Variants in UBE2V2 observed in about 807,000 individuals in gnomAD.
UBE2V2 encodes ubiquitin-conjugating enzyme E2 variant 2.
A neutral mutation model predicts 17.2 loss-of-function variants in UBE2V2; 9 were observed. That is an observed-to-expected ratio of 0.52 (90% CI 0.32 to 0.91). The LOEUF (loss-of-function observed/expected upper bound fraction) is 0.91, where lower values mean the gene tolerates loss of function less well. Among genes scored for constraint, UBE2V2 ranks in the 40% least tolerant of loss-of-function variants. The probability of loss-of-function intolerance (pLI) is 0.04; values close to 1 mark genes in which losing one functional copy is unlikely to be tolerated. For missense variants in UBE2V2, 133 were observed against 182.6 expected, an observed-to-expected ratio of 0.73 and a Z score of 1.56; for synonymous variants, 61 against 57.5, an observed-to-expected ratio of 1.06 and a Z score of -0.28.
chr8:48,042,743 G>C (rs571766987), intron 1 of UBE2V2: 1 of 208,090 alleles, frequency 4.8e-6, no homozygotes, highest in South Asian at 1.7e-4. Flanking sequence ...ACATCAAATA[G>C]GGAAAACGAT....
chr8:48,017,818 C>A (rs1486228436), intron 1 of UBE2V2, among the ~76,000 whole-genome samples: 1 of 148,786 alleles, frequency 6.7e-6, no homozygotes, highest in Non-Finnish European at 1.5e-5. Flanking sequence ...GACTTTTCTT[C>A]CTGTTTTCTA....
intron 1 of UBE2V2, among the ~76,000 whole-genome samples, chr8:48,030,542 G>A (rs1221614747): frequency 1.3e-5 from 2 of 152,150 alleles, no homozygotes; most frequent in Non-Finnish European, 2.9e-5. Flanking sequence ...GCAACATGGC[G>A]AAACCCTGTC....
intron 1 of UBE2V2, among the ~76,000 whole-genome samples, chr8:48,017,553 A>G (rs994375460): frequency 2.0e-5 from 3 of 151,950 alleles, no homozygotes; most frequent in African/African-American, 4.8e-5. Flanking sequence ...TTGTATTTTT[A>G]GTAGAGACGG....
At chr8:48,044,850 C>T (rs1258878333) in intron 2 of UBE2V2, among the ~76,000 whole-genome samples, 1 of 152,228 alleles carries the variant, frequency 6.6e-6, no homozygotes, top group Non-Finnish European at 1.5e-5. Flanking sequence ...TCGTTTTTCT[C>T]TAGCCACTGC....
At chr8:48,056,724 GT>G (rs1220730426) in intron 3 of UBE2V2, among the ~76,000 whole-genome samples, 1 of 151,736 alleles carries the variant, frequency 6.6e-6, no homozygotes, top group Non-Finnish European at 1.5e-5. Flanking sequence ...TTTGTAGTAA[GT>G]TTTTTTGTTT....
In UBE2V2 at chr8:48,014,173, A is replaced by G. The variant is rs536382797; in HGVS notation, c.16+5703A>G. Among the ~76,000 whole-genome samples the G allele has an allele frequency of 1.1e-4, 17 of 152,310 alleles. No individual in the cohort carries two copies. The South Asian group carries it at 3.3e-3, about 30-fold the overall frequency. On this transcript the variant is annotated intron_variant, in intron 1 of 3. Transcript: ENST00000523111. Reference sequence around the variant, plus strand: ...GGGAGCCTGAATTCTCTTGATAAACATGCTTTTGATAATATGGTACAACCT... The same window carrying G: ...GGGAGCCTGAATTCTCTTGATAAACGTGCTTTTGATAATATGGTACAACCT...
Position 48,057,546 on chromosome 8 carries a change from G to C in UBE2V2, c.292-3136G>C, listed in dbSNP as rs373328310. Among the ~76,000 whole-genome samples the C allele has an allele frequency of 4.0e-3, 603 of 152,120 alleles. 2 individuals are homozygous for C. Among genetic ancestry groups the C allele is most frequent in the Non-Finnish European group, 6.8e-3 (463 of 67,994 alleles). ...TCGAACTTCCGAACTTAGGTGATCTGCCCACCTCGCCCTCCCAAAGTGCTG... is the reference window on the plus strand; with the variant it reads ...TCGAACTTCCGAACTTAGGTGATCTCCCCACCTCGCCCTCCCAAAGTGCTG... On this transcript the variant is annotated intron_variant, in intron 3 of 3. Transcript: ENST00000523111.
At chr8:48,025,180 G>GC (rs2091332610) in intron 1 of UBE2V2, among the ~76,000 whole-genome samples, 1 of 151,930 alleles carries the variant, frequency 6.6e-6, no homozygotes, top group African/African-American at 2.4e-5. Context: ...CTCATGATCT[G>GC]CCTGCCTCGG....
intron 1 of UBE2V2, among the ~76,000 whole-genome samples, chr8:48,009,827 G>A (rs997380760): frequency 8.5e-5 from 13 of 152,048 alleles, no homozygotes; most frequent in Non-Finnish European, 7.4e-5. Flanking sequence ...CTAGTGTTGG[G>A]GTAGTATACA....
chr8:48,011,036 ATTAGTT>A (rs1193513514), intron 1 of UBE2V2, among the ~76,000 whole-genome samples: 3 of 151,346 alleles, frequency 2.0e-5, no homozygotes, highest in Admixed American at 2.0e-4. Flanking sequence ...CAGCCTATTA[ATTAGTT>A]TTAATTTTAC....
At chr8:48,037,630 T>C (rs1002898433) in intron 1 of UBE2V2, among the ~76,000 whole-genome samples, 1 of 152,210 alleles carries the variant, frequency 6.6e-6, no homozygotes, top group African/African-American at 2.4e-5. Context: ...GATGCCCTGC[T>C]GAACTTTAAG....
intron 3 of UBE2V2, among the ~76,000 whole-genome samples, chr8:48,059,323 A>G (rs1290019008): frequency 1.3e-5 from 2 of 151,828 alleles, no homozygotes; most frequent in Non-Finnish European, 2.9e-5. Flanking sequence ...GCGCAGCCCT[A>G]CACATGTGTG....
rs977137716 is a variant in UBE2V2 at position 48,039,692 on chromosome 8, A to C, written c.17-3341A>C. ...GATTGGGTTCTAATTTTATTTTTTC[A>C]TATTGGTAAAGTGTTCCAACACCAT... On this transcript the variant is annotated intron_variant, in intron 1 of 3. Coordinates refer to ENST00000523111, the MANE Select transcript of UBE2V2 (RefSeq NM_003350.3). Among the ~76,000 whole-genome samples the C allele has an allele frequency of 2.0e-5, 3 of 151,910 alleles. 1 individual carries two copies. The highest frequency in any genetic ancestry group is 7.3e-5 in the African/African-American group (3 of 41,332).
At chr8:48,002,936 G>A in the UBE2V2 span, among the ~76,000 whole-genome samples, 1 of 152,034 alleles carries the variant, frequency 6.6e-6, no homozygotes, top group African/African-American at 2.4e-5. Context: ...AATTGGCCAG[G>A]CGCAGTGGCT....
chr8:48,031,834 A>G (rs999734022), intron 1 of UBE2V2, among the ~76,000 whole-genome samples: 7 of 152,042 alleles, frequency 4.6e-5, no homozygotes, highest in African/African-American at 1.4e-4. Context: ...TTTAGTAGAG[A>G]CGGGGGTTTC....
chr8:48,033,721 GC>G (rs1180001317), intron 1 of UBE2V2, among the ~76,000 whole-genome samples: 1 of 151,924 alleles, frequency 6.6e-6, no homozygotes, highest in Non-Finnish European at 1.5e-5. Context: ...ACTTTGGGAG[GC>G]CGAGGCAGGC....
chr8:48,019,357 C>T (rs2091289622), intron 1 of UBE2V2, among the ~76,000 whole-genome samples: 1 of 151,806 alleles, frequency 6.6e-6, no homozygotes, highest in African/African-American at 2.4e-5. Context: ...GAACAAGACT[C>T]CTGCTCAAAA....
chr8:48,013,737 A>G (rs1401267280), intron 1 of UBE2V2, among the ~76,000 whole-genome samples: 1 of 152,184 alleles, frequency 6.6e-6, no homozygotes, highest in Non-Finnish European at 1.5e-5. Flanking sequence ...ATGAAAGAAT[A>G]TGTTTTCTGC....
At chr8:48,046,630 C>T (rs2091501205) in intron 2 of UBE2V2, among the ~76,000 whole-genome samples, 2 of 152,016 alleles carry the variant, frequency 1.3e-5, no homozygotes, top group South Asian at 2.1e-4. Context: ...GAGATAGTCT[C>T]ACTCTGTCAA....
Sources: gnomAD v4.1 joint callset for allele counts (sites outside exome capture counted in the v4.1 genomes callset) on GRCh38, gnomAD v4.1.1 for gene constraint, MANE v1.5 for transcripts, NCBI Gene and HGNC (gene_info 2026-07-23, HGNC 2026-07-21) for gene names.